The following NXPH1 variants were observed in gnomAD, a reference collection of about 807,000 sequenced individuals.
NXPH1 encodes the protein neurexophilin-1.
A neutral mutation model predicts 23.7 loss-of-function variants in NXPH1; 5 were observed. The ratio of observed to expected loss-of-function variants is 0.21; its 90% confidence interval spans 0.11 to 0.44. NXPH1 has a LOEUF of 0.44. Among genes scored for constraint, NXPH1 ranks in the 20% least tolerant of loss-of-function variants. NXPH1 has a pLI of 0.99. For synonymous variants in NXPH1, 144 were observed against 122.2 expected (o/e 1.18, Z -1.18); for missense variants, 324 against 321.6 (o/e 1.01, Z -0.06).
At chr7:8,681,439 G>A (rs2115176899) in intron 2 of NXPH1, among the ~76,000 whole-genome samples, 1 of 152,198 alleles carries the variant, frequency 6.6e-6, no homozygotes, top group East Asian at 1.9e-4. Flanking sequence ...ATATATATAT[G>A]ACATAAATTG....
At chr7:8,594,094 A>G (rs1819162664) in intron 2 of NXPH1, among the ~76,000 whole-genome samples, 2 of 152,044 alleles carry the variant, frequency 1.3e-5, no homozygotes, top group Non-Finnish European at 2.9e-5. Flanking sequence ...GAATTCTTCA[A>G]GATCCCTAAT....
intron 2 of NXPH1, among the ~76,000 whole-genome samples, chr7:8,619,531 C>T (rs1474170271): frequency 6.6e-6 from 1 of 152,158 alleles, no homozygotes; most frequent in Non-Finnish European, 1.5e-5. Flanking sequence ...TATGCATATC[C>T]TGGCTAACCT....
chr7:8,680,996 C>T (rs531374607), intron 2 of NXPH1, among the ~76,000 whole-genome samples: 3 of 152,350 alleles, frequency 2.0e-5, no homozygotes, highest in South Asian at 2.1e-4. Flanking sequence ...GATGAACAAA[C>T]TGAGGCTACA....
chr7:8,543,928 T>G (rs935058319), intron 2 of NXPH1, among the ~76,000 whole-genome samples: 1 of 151,614 alleles, frequency 6.6e-6, no homozygotes, highest in African/African-American at 2.4e-5. Flanking sequence ...ATCTGTAGAA[T>G]TAATTTAGCT....
At chr7:8,643,631 AAT>A (rs1275516200) in intron 2 of NXPH1, among the ~76,000 whole-genome samples, 4 of 152,170 alleles carry the variant, frequency 2.6e-5, no homozygotes, top group Non-Finnish European at 5.9e-5. Flanking sequence ...CATTTGAGAT[AAT>A]ATATAATACG....
Position 8,751,623 on chromosome 7 carries a change from C to A in NXPH1, c.670C>A (p.Gln224Lys). 1 of 1,613,544 alleles carries A rather than the reference C, an allele frequency of 6.2e-7. No homozygotes were observed. The highest frequency in any genetic ancestry group is 8.5e-7 in the Non-Finnish European group (1 of 1,179,732). ...PSKTCYQEQT[Q>K]SHVSWLCSKP... is the part of the protein sequence containing the mutation. Reference sequence around the variant, plus strand: ...AAAAACCTGTTACCAGGAGCAAACCCAAAGTCATGTATCCTGGCTCTGCTC... The same window carrying A: ...AAAAACCTGTTACCAGGAGCAAACCAAAAGTCATGTATCCTGGCTCTGCTC... Residue 224 changes from glutamine (Q) to lysine (K), a missense_variant, in exon 3 of 3, where the codon CAA becomes AAA. Gln to Lys is a moderately conservative substitution (Grantham distance 53). Coordinates refer to ENST00000405863, the MANE Select transcript of NXPH1 (RefSeq NM_152745.3). The surrounding 1 kb of genome is among the most constrained non-coding windows in gnomAD (Gnocchi z 4.5).
At chr7:8,701,925 A>C (rs1779629384) in intron 2 of NXPH1, among the ~76,000 whole-genome samples, 1 of 152,046 alleles carries the variant, frequency 6.6e-6, no homozygotes, top group African/African-American at 2.4e-5. Context: ...CATCTAGAAC[A>C]GTCTTCCTTA....
intron 2 of NXPH1, among the ~76,000 whole-genome samples, chr7:8,715,002 A>G (rs1779854290): frequency 6.6e-6 from 1 of 152,278 alleles, no homozygotes; most frequent in Middle Eastern, 3.4e-3. Context: ...AGCCCAGCAC[A>G]GCACTAGGAC....
At chr7:8,597,223 C>T (rs1011076874) in intron 2 of NXPH1, among the ~76,000 whole-genome samples, 3 of 152,070 alleles carry the variant, frequency 2.0e-5, no homozygotes, top group African/African-American at 7.2e-5. Flanking sequence ...CTGACAACAA[C>T]AAAGACAGTT....
intron 2 of NXPH1, among the ~76,000 whole-genome samples, chr7:8,480,738 C>T (rs1049536988): frequency 2.0e-5 from 3 of 152,136 alleles, no homozygotes; most frequent in East Asian, 1.9e-4. Flanking sequence ...CTTTGCCACC[C>T]GGCAATTGTA....
intron 2 of NXPH1, among the ~76,000 whole-genome samples, chr7:8,716,620 T>G (rs1779882685): frequency 6.6e-6 from 1 of 152,242 alleles, no homozygotes; most frequent in Non-Finnish European, 1.5e-5. Context: ...TCTGTACTTT[T>G]CATTGCCTTT....
chr7:8,513,038 T>C (rs905696985), intron 2 of NXPH1, among the ~76,000 whole-genome samples: 1 of 152,104 alleles, frequency 6.6e-6, no homozygotes, highest in Admixed American at 6.6e-5. Context: ...AGGTGTTCTT[T>C]CTGAGTGTGT....
chr7:8,722,370 T>C (rs981191000), intron 2 of NXPH1, among the ~76,000 whole-genome samples: 4 of 152,152 alleles, frequency 2.6e-5, no homozygotes, highest in African/African-American at 9.7e-5. Flanking sequence ...GAAGAATAAT[T>C]GCCTCTGTGT....
At chr7:8,513,780 C>G (rs1049079295) in intron 2 of NXPH1, among the ~76,000 whole-genome samples, 1 of 152,110 alleles carries the variant, frequency 6.6e-6, no homozygotes, top group Non-Finnish European at 1.5e-5. Context: ...GTTTGTCAGA[C>G]TTGCCTGCGT....
chr7:8,526,001 G>GC (rs35939617), intron 2 of NXPH1, among the ~76,000 whole-genome samples: 1 of 151,918 alleles, frequency 6.6e-6, no homozygotes, highest in Admixed American at 6.5e-5. Flanking sequence ...CAGAATGGTA[G>GC]TTCACCAACA....
chr7:8,627,736 T>TA (rs546412260), intron 2 of NXPH1, among the ~76,000 whole-genome samples: 17 of 151,944 alleles, frequency 1.1e-4, no homozygotes, highest in South Asian at 2.1e-4. Context: ...TTCAATGGAT[T>TA]AAAAAAAATA....
At chr7:8,543,329 T>G (rs1262885655) in intron 2 of NXPH1, among the ~76,000 whole-genome samples, 1 of 151,674 alleles carries the variant, frequency 6.6e-6, no homozygotes, top group Non-Finnish European at 1.5e-5. Flanking sequence ...GCTATGGACT[T>G]CTCCTCTATT....
At chr7:8,662,052 C>T (rs4236411) in intron 2 of NXPH1, among the ~76,000 whole-genome samples, 92,973 of 151,350 alleles carry the variant, frequency 0.61, 30,010 homozygotes, top group East Asian at 0.75. Flanking sequence ...AAAGACTTCC[C>T]GGATAGATTC....
At chr7:8,577,079 T>A (rs1269552425) in intron 2 of NXPH1, among the ~76,000 whole-genome samples, 3 of 152,126 alleles carry the variant, frequency 2.0e-5, no homozygotes, top group African/African-American at 7.2e-5. Context: ...GATAATAATA[T>A]TAATACTGTA....
Sources: allele counts gnomAD v4.1 joint callset (sites outside exome capture counted in the v4.1 genomes callset), GRCh38; gene constraint gnomAD v4.1.1; non-coding constraint Gnocchi (gnomAD v3.1); transcripts MANE v1.5; gene names NCBI Gene and HGNC (gene_info 2026-07-23, HGNC 2026-07-21).